The following POLR3H variants were observed in gnomAD, a reference collection of about 807,000 sequenced individuals.
The protein encoded by POLR3H is DNA-directed RNA polymerase III subunit RPC8.
In POLR3H, 17 loss-of-function variants were observed where a neutral mutation model predicts 25.5. The observed-to-expected ratio is 0.67, with a 90% CI of 0.46 to 1.00. POLR3H has a LOEUF of 1.00. Among genes scored for constraint, POLR3H ranks in the 50% least tolerant of loss-of-function variants. POLR3H has a pLI of 0.00. For synonymous variants in POLR3H, 129 were observed against 103.0 expected (o/e 1.25, Z -1.53); for missense variants, 274 against 265.0 (o/e 1.03, Z -0.24).
At chr22:41,541,080 G>T (rs1015520709) in intron 1 of POLR3H, among the ~76,000 whole-genome samples, 1 of 151,948 alleles carries the variant, frequency 6.6e-6, no homozygotes, top group South Asian at 2.1e-4. Flanking sequence ...TCTGAGCCTC[G>T]GTCTCCCCAT....
intron 2 of POLR3H, among the ~76,000 whole-genome samples, chr22:41,534,228 C>T (rs1295269660): frequency 6.6e-6 from 1 of 152,194 alleles, no homozygotes; most frequent in African/African-American, 2.4e-5. Context: ...GCACATGATC[C>T]TGCGCCCAGG....
At chr22:41,538,202 C>T (rs34786259) in intron 2 of POLR3H, among the ~76,000 whole-genome samples, 3,769 of 149,238 alleles carry the variant, frequency 0.025, 85 homozygotes, top group Middle Eastern at 0.053. Context: ...GGTGCGATCT[C>T]GGTTCACTGC....
Position 41,529,029 on chromosome 22 carries a change from C to T in POLR3H, c.*254G>A, listed in dbSNP as rs1965015319. On this transcript the variant is annotated 3_prime_UTR_variant, in exon 6 of 6. Coordinates refer to ENST00000355209, the MANE Select transcript of POLR3H (RefSeq NM_001018050.4). ...TGCCGTTTGTTGTCAAGTCCAGGGT[C>T]CAGGAAGGGTCTTTTCAGTCAAGGT... The T allele has an allele frequency of 3.5e-6, 2 of 564,080 alleles. No homozygotes were observed. The highest frequency in any genetic ancestry group is 1.9e-5 in the African/African-American group (1 of 52,896). The allele number at this position is 564,080 out of a possible 1,614,324, so 34.9% of individuals were successfully genotyped here. A position where few individuals can be genotyped will look rare whatever the true frequency, so the allele number is the denominator to read the frequency against.
In POLR3H at chr22:41,526,147, C is replaced by T. The variant is rs2066590151; in HGVS notation, c.*3136G>A. ...CGTGTCTGAAGACTTGCCTGCCTCT[C>T]ACCCCTCTGTCACCCCTCCTGGGCC... On this transcript the variant is annotated 3_prime_UTR_variant, in exon 6 of 6. Coordinates refer to ENST00000355209, the MANE Select transcript of POLR3H (RefSeq NM_001018050.4). The T allele has an allele frequency of 3.4e-6, 3 of 876,738 alleles. No homozygotes were observed. Among genetic ancestry groups the T allele is most frequent in the Non-Finnish European group, 5.3e-6 (3 of 564,150 alleles). The allele number at this position is 876,738 out of a possible 1,614,324, so 54.3% of individuals were successfully genotyped here.
In POLR3H at chr22:41,528,172, A is replaced by G; in HGVS notation, c.*1111T>C. The G allele has an allele frequency of 7.9e-7, 1 of 1,265,518 alleles. No individual in the cohort carries two copies. Among genetic ancestry groups the G allele is most frequent in the Non-Finnish European group, 1.1e-6 (1 of 921,086 alleles). The allele number at this position is 1,265,518 out of a possible 1,614,324, so 78.4% of individuals were successfully genotyped here. On this transcript the variant is annotated 3_prime_UTR_variant, in exon 6 of 6. Transcript: ENST00000355209. ...TCCAGGTGGCCCCACAGAGAAAGCA[A>G]AGTGGCTTCTCAGAGTTGGGGGTTG... is the stretch of plus-strand genomic sequence containing the variant.
intron 2 of POLR3H, chr22:41,533,468 G>A (rs1182783276): frequency 2.6e-6 from 3 of 1,155,484 alleles, no homozygotes; most frequent in Admixed American, 3.7e-5. Context: ...GAGCCAGGGT[G>A]ACCCACTCAC....
Position 41,530,925 on chromosome 22 carries a change from TGG to T in POLR3H, c.360-39_360-38del, listed in dbSNP as rs780696514. The stretch of plus-strand genomic sequence containing the variant: ...CAGGGTCAAGGCAGCAACCAGATAG[TGG>T]GAGGGGCTTCCCTCAGCACCCACTC... On this transcript the variant is annotated intron_variant, in intron 4 of 5. Coordinates refer to ENST00000355209, the MANE Select transcript of POLR3H (RefSeq NM_001018050.4). 1.9e-6 allele frequency: 3 copies of T among 1,602,266 alleles called. No individual in the cohort carries two copies. The South Asian group carries it at 3.3e-5, about 18-fold the overall frequency.
At chr22:41,529,727 T>C (rs770013915) in intron 5 of POLR3H, 1 of 521,286 alleles carries the variant, frequency 1.9e-6, no homozygotes, top group Admixed American at 2.1e-5. Flanking sequence ...ACTGCTGCAA[T>C]GCTGCTCCTA....
intron 2 of POLR3H, among the ~76,000 whole-genome samples, chr22:41,535,565 G>C (rs1325798608): frequency 6.6e-6 from 1 of 152,254 alleles, no homozygotes; most frequent in South Asian, 2.1e-4. Context: ...AGTGGCTCAC[G>C]CCTGTAATCC....
At chr22:41,536,119 G>A (rs1480774331) in intron 2 of POLR3H, among the ~76,000 whole-genome samples, 4 of 150,858 alleles carry the variant, frequency 2.7e-5, no homozygotes, top group East Asian at 2.0e-4. Context: ...TGGGCCGGGC[G>A]CGGTGGCTCA....
In POLR3H at chr22:41,527,165, G is replaced by T; in HGVS notation, c.*2118C>A. 6.1e-6 allele frequency: 9 copies of T among 1,465,252 alleles called. No homozygotes were observed. Among genetic ancestry groups the T allele is most frequent in the Non-Finnish European group, 8.5e-6 (9 of 1,064,832 alleles). 90.8% of individuals were successfully genotyped at this position (1,465,252 alleles called of 1,614,324 possible). A position where few individuals can be genotyped will look rare whatever the true frequency, so the allele number is the denominator to read the frequency against. ...CAGCAGGCGAGGAAGGGCCCCTCCA[G>T]CCCCTTTACCGGGAGCCTCAGGATG... On this transcript the variant is annotated 3_prime_UTR_variant, in exon 6 of 6. Transcript: ENST00000355209.
intron 1 of POLR3H, among the ~76,000 whole-genome samples, chr22:41,542,401 G>A (rs2066943639): frequency 1.3e-5 from 2 of 151,890 alleles, no homozygotes; most frequent in Admixed American, 1.3e-4. Flanking sequence ...CTTCTTCACA[G>A]GGCCTTTGCA....
intron 4 of POLR3H, 95 bp from the exon 5 acceptor site, chr22:41,530,983 G>T: frequency 8.3e-7 from 1 of 1,198,810 alleles, no homozygotes; most frequent in Non-Finnish European, 1.2e-6. Flanking sequence ...CAATCTCAGG[G>T]TGAGATCACT....
Position 41,544,179 on chromosome 22 carries a change from C to T in POLR3H, c.-78G>A, listed in dbSNP as rs1046573554. On this transcript the variant is annotated 5_prime_UTR_variant, in exon 1 of 6. Coordinates refer to ENST00000355209, the MANE Select transcript of POLR3H (RefSeq NM_001018050.4). ...CCGGGGGCAGGGAGAATCCCCGAGC[C>T]CCTTGGTCCCGTCCCAGTCGCTGAG... 8.0e-6 allele frequency: 7 copies of T among 878,824 alleles called. No homozygotes were observed. The Admixed American group carries it at 1.6e-4, about 20-fold the overall frequency. The allele number at this position is 878,824 out of a possible 1,614,324, so 54.4% of individuals were successfully genotyped here. A position where few individuals can be genotyped will look rare whatever the true frequency, so the allele number is the denominator to read the frequency against.
chr22:41,527,605 C>T lies in POLR3H; in HGVS notation c.*1678G>A, dbSNP rs923088039. The T allele has an allele frequency of 2.9e-5, 26 of 904,480 alleles. No individual in the cohort carries two copies. The highest frequency in any genetic ancestry group is 1.0e-4 in the African/African-American group (6 of 59,504). 56.0% of individuals were successfully genotyped at this position (904,480 alleles called of 1,614,324 possible). A position where few individuals can be genotyped will look rare whatever the true frequency, so the allele number is the denominator to read the frequency against. ...TCCGACGCTCAGCTTCCCGGCTTCC[C>T]GCAGGCCCTGCTTCCAGGCTTGTAG... On this transcript the variant is annotated 3_prime_UTR_variant, in exon 6 of 6. Coordinates refer to ENST00000355209, the MANE Select transcript of POLR3H (RefSeq NM_001018050.4).
At chr22:41,530,256 G>C (rs2066700508) in intron 5 of POLR3H, among the ~76,000 whole-genome samples, 1 of 152,068 alleles carries the variant, frequency 6.6e-6, no homozygotes, top group Admixed American at 6.6e-5. Context: ...TGGGACCACA[G>C]GGCACGCCAC....
Position 41,530,891 on chromosome 22 carries a change from G to T in POLR3H, c.360-3C>A, listed in dbSNP as rs1397903309. On this transcript the variant is annotated splice_region_variant and splice_polypyrimidine_tract_variant and intron_variant, in intron 4 of 5. Coordinates refer to ENST00000355209, the MANE Select transcript of POLR3H (RefSeq NM_001018050.4). ...CCCACACCTGCTCCGCTTCGTCGCT[G>T]AGGGGGTCCAGGGTCAAGGCAGCAA... The T allele has an allele frequency of 6.2e-7, 1 of 1,613,596 alleles. No homozygotes were observed. The highest frequency in any genetic ancestry group is 1.1e-5 in the South Asian group (1 of 91,076).
In POLR3H at chr22:41,529,313, C is replaced by T. The variant is rs746361616; in HGVS notation, c.585G>A (p.Leu195=). The change falls in exon 6 of 6, where the codon CTG becomes CTA. Residue 195 remains leucine, a synonymous_variant. Transcript: ENST00000355209. The stretch of plus-strand genomic sequence containing the variant: ...TGCTGGTCCACCAGGAGAGAAGGCC[C>T]AGGCCTGGCTCACTGATGGATCCCT... The part of the protein sequence containing the change: ...TLVGSISEPG[L]GLLSWWTSN The T allele has an allele frequency of 5.9e-5, 96 of 1,613,708 alleles. No homozygotes were observed. The highest frequency in any genetic ancestry group is 7.6e-5 in the Non-Finnish European group (90 of 1,179,938).
chr22:41,538,786 C>A (rs938245100), intron 2 of POLR3H, among the ~76,000 whole-genome samples: 1 of 152,180 alleles, frequency 6.6e-6, no homozygotes, highest in East Asian at 1.9e-4. Flanking sequence ...GGCCTCTCGG[C>A]GTACCATGGT....
Sources: allele counts gnomAD v4.1 joint callset (sites outside exome capture counted in the v4.1 genomes callset), GRCh38; gene constraint gnomAD v4.1.1; transcripts MANE v1.5; gene names NCBI Gene and HGNC (gene_info 2026-07-23, HGNC 2026-07-21).